The following SNX16 variants were observed in gnomAD, a reference collection of about 807,000 sequenced individuals.
SNX16 encodes the protein sorting nexin 16.
A neutral mutation model predicts 36.7 loss-of-function variants in SNX16; 35 were observed. The ratio of observed to expected loss-of-function variants is 0.95; its 90% confidence interval spans 0.73 to 1.27. The LOEUF is 1.27. Ranked by LOEUF, SNX16 falls within the 50% of genes most tolerant of loss-of-function variation. SNX16 has a pLI of 0.00. For synonymous variants in SNX16, 134 were observed against 132.0 expected (o/e 1.02, Z -0.10); for missense variants, 367 against 393.6 (o/e 0.93, Z 0.57).
chr8:81,810,977 A>G (rs1302048928), intron 5 of SNX16, among the ~76,000 whole-genome samples: 2 of 152,208 alleles, frequency 1.3e-5, no homozygotes, highest in African/African-American at 4.8e-5. Context: ...TAAGAACACT[A>G]AAAAGATATT....
chr8:81,840,380 G>A, intron 1 of SNX16: 1 of 165,244 alleles, frequency 6.1e-6, no homozygotes, highest in Non-Finnish European at 1.3e-5. Context: ...TGTAAAAGTT[G>A]GTAGGAGAAA....
chr8:81,832,983 A>G (rs1172682120), intron 2 of SNX16, among the ~76,000 whole-genome samples: 1 of 151,782 alleles, frequency 6.6e-6, no homozygotes, highest in Non-Finnish European at 1.5e-5. Context: ...TGAGCACTCA[A>G]TGTGTGACTA....
chr8:81,814,478 T>G (rs953065297), intron 5 of SNX16, among the ~76,000 whole-genome samples: 1 of 152,064 alleles, frequency 6.6e-6, no homozygotes, highest in South Asian at 2.1e-4. Flanking sequence ...GGGCTGGAAG[T>G]GCAGACTGAC....
At position 81,840,045 on chromosome 8, in the gene SNX16, A is replaced by T. The variant is rs2130780397; in HGVS notation, c.-59T>A. The T allele has an allele frequency of 2.7e-6, 4 of 1,504,914 alleles. No individual in the cohort carries two copies. In the South Asian group the frequency reaches 5.5e-5, roughly 21 times the overall value. The allele number at this position is 1,504,914 out of a possible 1,614,324, so 93.2% of individuals were successfully genotyped here. On this transcript the variant is annotated 5_prime_UTR_variant, in exon 2 of 8. Transcript: ENST00000345957. Reference sequence around the variant, plus strand: ...GTTGAGTCCACTTAGAGAACAACTAATATGCAATCCATTATTTTCTTCTTA... The same window carrying T: ...GTTGAGTCCACTTAGAGAACAACTATTATGCAATCCATTATTTTCTTCTTA...
chr8:81,804,965 G>A (rs531222557), intron 5 of SNX16, among the ~76,000 whole-genome samples: 106 of 151,710 alleles, frequency 7.0e-4, no homozygotes, highest in African/African-American at 2.1e-3. Flanking sequence ...GGCAATTAAC[G>A]GATTAAACAA....
At chr8:81,817,672 A>G (rs779600498) in intron 4 of SNX16, among the ~76,000 whole-genome samples, 1 of 152,198 alleles carries the variant, frequency 6.6e-6, no homozygotes, top group Non-Finnish European at 1.5e-5. Flanking sequence ...CAGTAAAGAA[A>G]GCAGTCAATA....
chr8:81,839,502 A>G, intron 2 of SNX16, 110 bp downstream of exon 2: 1 of 1,118,812 alleles, frequency 8.9e-7, no homozygotes, highest in Non-Finnish European at 1.3e-6. Context: ...TTAGAATTTC[A>G]TATTCAAGAA....
intron 5 of SNX16, among the ~76,000 whole-genome samples, chr8:81,812,814 T>C (rs749304200): frequency 1.3e-5 from 2 of 152,072 alleles, no homozygotes; most frequent in Non-Finnish European, 2.9e-5. Flanking sequence ...GAAATAATTA[T>C]TGCACTGTAT....
At chr8:81,802,155 G>A (rs1396247226) in intron 7 of SNX16, among the ~76,000 whole-genome samples, 5 of 151,632 alleles carry the variant, frequency 3.3e-5, no homozygotes, top group Admixed American at 2.6e-4. Context: ...AGTAAGTAAT[G>A]AGAAAACTTA....
At chr8:81,805,713 A>C (rs1809902829) in intron 5 of SNX16, among the ~76,000 whole-genome samples, 1 of 152,130 alleles carries the variant, frequency 6.6e-6, no homozygotes, top group Non-Finnish European at 1.5e-5. Context: ...AGGTCAGGAG[A>C]CCAAGACCAT....
chr8:81,811,275 G>T (rs755052166), intron 5 of SNX16, among the ~76,000 whole-genome samples: 2 of 152,266 alleles, frequency 1.3e-5, no homozygotes, highest in East Asian at 3.9e-4. Flanking sequence ...TCTGGGAAAC[G>T]ATATATCTAT....
intron 4 of SNX16, among the ~76,000 whole-genome samples, chr8:81,820,746 G>C: frequency 6.6e-6 from 1 of 151,776 alleles, no homozygotes; most frequent in Non-Finnish European, 1.5e-5. Flanking sequence ...TTTATAAAAT[G>C]TATCATACCA....
rs1810732239 is a variant in SNX16 at position 81,821,352 on chromosome 8, T to C, written c.611+2440A>G. Among the ~76,000 whole-genome samples, 3 of 152,030 alleles carry C rather than the reference T, an allele frequency of 2.0e-5. No individual in the cohort carries two copies. In the South Asian group the frequency reaches 6.2e-4, roughly 32 times the overall value. ...AGATCTATTATCAGTATTTTAAAAA[T>C]AGAGAATTCATTTATAGAATACATT... On this transcript the variant is annotated intron_variant, in intron 4 of 7. Coordinates refer to ENST00000345957, the MANE Select transcript of SNX16 (RefSeq NM_152836.3).
At chr8:81,829,202 A>T (rs1185111033) in intron 3 of SNX16, among the ~76,000 whole-genome samples, 2 of 152,030 alleles carry the variant, frequency 1.3e-5, no homozygotes, top group African/African-American at 4.8e-5. Context: ...GATCTTATAC[A>T]CATCTTTTTC....
chr8:81,818,571 G>A lies in SNX16; in HGVS notation c.612-3177C>T, dbSNP rs556201451. 9.1e-4 allele frequency among the ~76,000 whole-genome samples: 139 copies of A among 152,172 alleles called. 1 individual carries two copies. Among genetic ancestry groups the A allele is most frequent in the African/African-American group, 2.8e-3 (118 of 41,570 alleles). ...TCTACTCTCTTCAAATAGTTAAGAT[G>A]AAGAGAAATCTACTTTTTCAAAAGG... On this transcript the variant is annotated intron_variant, in intron 4 of 7. Coordinates refer to ENST00000345957, the MANE Select transcript of SNX16 (RefSeq NM_152836.3).
At chr8:81,818,394 T>C (rs528824904) in intron 4 of SNX16, among the ~76,000 whole-genome samples, 130 of 152,228 alleles carry the variant, frequency 8.5e-4, no homozygotes, top group Middle Eastern at 3.4e-3. Flanking sequence ...TGTGAAAAGA[T>C]AGTTCAGGTT....
chr8:81,806,778 C>T (rs1309435888), intron 5 of SNX16, among the ~76,000 whole-genome samples: 1 of 151,794 alleles, frequency 6.6e-6, no homozygotes, highest in Non-Finnish European at 1.5e-5. Flanking sequence ...AAAATCCAAA[C>T]AGATCTATAA....
intron 2 of SNX16, among the ~76,000 whole-genome samples, chr8:81,832,248 A>G (rs1025941976): frequency 1.3e-5 from 2 of 152,210 alleles, no homozygotes; most frequent in Non-Finnish European, 2.9e-5. Context: ...AAAGAATCAA[A>G]TCATGTCCTT....
rs1358809364 is a variant in SNX16 at position 81,815,188 on chromosome 8, T to C, written c.681+137A>G. The C allele has an allele frequency of 6.9e-6, 4 of 576,560 alleles. No homozygotes were observed. In the Admixed American group the frequency reaches 1.4e-4, roughly 20 times the overall value. 35.7% of individuals were successfully genotyped at this position (576,560 alleles called of 1,614,324 possible). A position where few individuals can be genotyped will look rare whatever the true frequency, so the allele number is the denominator to read the frequency against. ...CTGAAAGCAACCTTTGACTCAAACATGAAAGCTTTCTGTGCAAAACTACCA... is the reference window on the plus strand; with the variant it reads ...CTGAAAGCAACCTTTGACTCAAACACGAAAGCTTTCTGTGCAAAACTACCA... On this transcript the variant is annotated intron_variant, in intron 5 of 7. Transcript: ENST00000345957.
Sources: allele counts gnomAD v4.1 joint callset (sites outside exome capture counted in the v4.1 genomes callset), GRCh38; gene constraint gnomAD v4.1.1; transcripts MANE v1.5; gene names NCBI Gene and HGNC (gene_info 2026-07-23, HGNC 2026-07-21).